The following PCAT7 variants were observed in gnomAD, a reference collection of about 807,000 sequenced individuals.
PCAT7 encodes prostate cancer associated transcript 7 (non-protein coding).
intron 2 of PCAT7, chr9:94,570,417 G>A (rs1020566887): frequency 6.6e-6 from 1 of 152,166 alleles, no homozygotes; most frequent in African/African-American, 2.4e-5. Flanking sequence ...ATCTGAAAAT[G>A]GGAATAATTG....
At chr9:94,562,147 T>TA (rs796487611) in intron 2 of PCAT7, among the ~76,000 whole-genome samples, 3 of 151,704 alleles carry the variant, frequency 2.0e-5, no homozygotes, top group African/African-American at 7.2e-5. Context: ...CCGTCTCTAC[T>TA]AAAAATACAA....
chr9:94,572,808 G>C (rs966518319), intron 2 of PCAT7, among the ~76,000 whole-genome samples: 1 of 152,124 alleles, frequency 6.6e-6, no homozygotes, highest in Non-Finnish European at 1.5e-5. Context: ...GATTTATACT[G>C]TTCCATTTTT....
At chr9:94,562,711 G>A (rs979198582) in intron 2 of PCAT7, among the ~76,000 whole-genome samples, 10 of 152,082 alleles carry the variant, frequency 6.6e-5, no homozygotes, top group African/African-American at 1.9e-4. Flanking sequence ...TTTTATGGGA[G>A]GTTCTCTGCA....
intron 2 of PCAT7, among the ~76,000 whole-genome samples, chr9:94,564,200 C>T (rs1455348804): frequency 6.6e-6 from 1 of 152,202 alleles, no homozygotes; most frequent in Non-Finnish European, 1.5e-5. Flanking sequence ...TCACACACAG[C>T]ACATACAGTA....
chr9:94,574,384 T>C (rs1827297521), intron 3 of PCAT7, among the ~76,000 whole-genome samples: 1 of 152,172 alleles, frequency 6.6e-6, no homozygotes, highest in South Asian at 2.1e-4. Flanking sequence ...TGACATCTCT[T>C]TTGTTTTAAC....
intron 2 of PCAT7, among the ~76,000 whole-genome samples, chr9:94,565,692 A>C (rs1450959991): frequency 6.6e-6 from 1 of 152,068 alleles, no homozygotes; most frequent in Non-Finnish European, 1.5e-5. Context: ...CTCTATAAAG[A>C]AAAGCTACGA....
intron 2 of PCAT7, chr9:94,572,851 GTAAT>G (rs1275759828): frequency 6.6e-6 from 1 of 151,194 alleles, no homozygotes; most frequent in Non-Finnish European, 1.5e-5. Flanking sequence ...ATTTTAAAAT[GTAAT>G]TATAATTACG....
At chr9:94,564,116 C>CT (rs1471394423) in intron 2 of PCAT7, among the ~76,000 whole-genome samples, 1 of 152,204 alleles carries the variant, frequency 6.6e-6, no homozygotes, top group Non-Finnish European at 1.5e-5. Context: ...CTCGAATCAA[C>CT]ACTAGACCAA....
intron 2 of PCAT7, among the ~76,000 whole-genome samples, chr9:94,565,368 C>CAAAA (rs369180827): frequency 6.4e-5 from 3 of 46,574 alleles, no homozygotes; most frequent in African/African-American, 1.6e-4. Flanking sequence ...GACTCCACCT[C>CAAAA]AAAAAAAAAA....
At chr9:94,563,358 T>C (rs1183504599) in intron 2 of PCAT7, 11 of 1,614,014 alleles carry the variant, frequency 6.8e-6, no homozygotes, top group Admixed American at 3.3e-5. Flanking sequence ...CTTAGGGCTC[T>C]TCTGGTTGGC....
At chr9:94,565,034 C>T (rs994341379) in intron 2 of PCAT7, among the ~76,000 whole-genome samples, 6 of 151,942 alleles carry the variant, frequency 3.9e-5, no homozygotes, top group African/African-American at 1.5e-4. Flanking sequence ...AATGAAACAT[C>T]AGTATGTATC....
intron 2 of PCAT7, among the ~76,000 whole-genome samples, chr9:94,563,153 C>T (rs545147202): frequency 4.6e-5 from 7 of 152,286 alleles, no homozygotes; most frequent in African/African-American, 1.2e-4. Context: ...GTCAGCCTGT[C>T]GCCTTCTTCT....
chr9:94,555,233 C>T (rs914075460), exon 1 of PCAT7: 3 of 152,004 alleles, frequency 2.0e-5, no homozygotes, highest in Non-Finnish European at 4.4e-5. Context: ...ATGCTGGAGG[C>T]TTGAGCCGCG....
intron 2 of PCAT7, among the ~76,000 whole-genome samples, chr9:94,571,912 C>G (rs899245930): frequency 1.3e-5 from 2 of 152,158 alleles, no homozygotes; most frequent in African/African-American, 4.8e-5. Flanking sequence ...TGTTCCCAAG[C>G]CACGATACTC....
At chr9:94,556,786 CTA>C (rs1304488775) in intron 1 of PCAT7, among the ~76,000 whole-genome samples, 1 of 152,092 alleles carries the variant, frequency 6.6e-6, no homozygotes, top group East Asian at 1.9e-4. Flanking sequence ...GCATTTTATC[CTA>C]TGTTTTCTTC....
intron 2 of PCAT7, chr9:94,571,642 C>T: frequency 6.4e-7 from 1 of 1,563,458 alleles, no homozygotes; most frequent in Non-Finnish European, 8.7e-7. Flanking sequence ...TTATTGTTGT[C>T]TCTGGAGAGA....
At chr9:94,560,964 G>A (rs1003928151) in intron 2 of PCAT7, among the ~76,000 whole-genome samples, 2 of 152,002 alleles carry the variant, frequency 1.3e-5, no homozygotes, top group African/African-American at 4.8e-5. Flanking sequence ...CCAGAAGGGT[G>A]TAAAAAAGTT....
intron 2 of PCAT7, among the ~76,000 whole-genome samples, chr9:94,566,462 G>T (rs541114589): frequency 9.8e-4 from 150 of 152,336 alleles, no homozygotes; most frequent in Admixed American, 1.7e-3. Flanking sequence ...CTTTAATTTG[G>T]CCCATCCCTT....
chr9:94,571,341 G>T, intron 2 of PCAT7: 1 of 1,083,274 alleles, frequency 9.2e-7, no homozygotes, highest in Non-Finnish European at 1.3e-6. Flanking sequence ...TAGGCTCTCA[G>T]GACCCCTGGT....
Sources: allele counts gnomAD v4.1 joint callset (sites outside exome capture counted in the v4.1 genomes callset), GRCh38; gene constraint gnomAD v4.1.1; transcripts MANE v1.5; gene names NCBI Gene and HGNC (gene_info 2026-07-23, HGNC 2026-07-21).